The following PCDH15 variants were observed in gnomAD, a reference collection of about 807,000 sequenced individuals.
PCDH15 encodes the protein protocadherin-15.
In PCDH15, 129 loss-of-function variants were observed where a neutral mutation model predicts 178.5. The ratio of observed to expected loss-of-function variants is 0.72; its 90% CI spans 0.63 to 0.84. PCDH15 has a LOEUF of 0.84. PCDH15 is among the 40% of genes least tolerant of loss of function. The pLI is 0.00. For missense variants in PCDH15, 2,230 were observed against 2,099.9 expected, an observed-to-expected ratio of 1.06 and a Z score of -1.21; for synonymous variants, 800 against 732.0, an observed-to-expected ratio of 1.09 and a Z score of -1.50.
intron 20 of PCDH15, among the ~76,000 whole-genome samples, chr10:54,019,815 C>T (rs2092857354): frequency 6.6e-6 from 1 of 151,936 alleles, no homozygotes; most frequent in Admixed American, 6.6e-5. Context: ...ACTCTTGGCC[C>T]TTCAGAGTCA....
chr10:53,913,084 C>T (rs1031309463), intron 25 of PCDH15, among the ~76,000 whole-genome samples: 1 of 152,022 alleles, frequency 6.6e-6, no homozygotes, highest in African/African-American at 2.4e-5. Context: ...GTACTGGTAC[C>T]AAAACAGAGA....
intron 13 of PCDH15, among the ~76,000 whole-genome samples, chr10:54,167,805 C>T (rs12782614): frequency 0.084 from 1,821 of 21,676 alleles, 1 homozygote; most frequent in Middle Eastern, 0.18. Context: ...TATCTCTGTG[C>T]CCCAATCCCT....
chr10:55,494,724 T>C (rs1225939336), intron 2 of PCDH15, among the ~76,000 whole-genome samples: 3 of 151,808 alleles, frequency 2.0e-5, no homozygotes, highest in Non-Finnish European at 4.4e-5. Context: ...CTCTACTCCA[T>C]TCCTCTCTCT....
At position 55,425,099 on chromosome 10, in the gene PCDH15, A is replaced by C. The variant is rs1479982831; in HGVS notation, c.-156+202526T>G. 2.8e-5 allele frequency among the ~76,000 whole-genome samples: 4 copies of C among 145,106 alleles called. No homozygotes were observed. In the South Asian group the frequency reaches 8.7e-4, roughly 31 times the overall value. On this transcript the variant is annotated intron_variant, in intron 2 of 5. Coordinates refer to the PCDH15 transcript ENST00000613346. ...TCCATGTAGAAAAAATTAGAAATTA[A>C]GAAATTCTGAAATGACTTAAATTTT... is the stretch of plus-strand genomic sequence containing the variant.
chr10:55,475,261 C>A (rs1840040117), intron 2 of PCDH15, among the ~76,000 whole-genome samples: 1 of 152,116 alleles, frequency 6.6e-6, no homozygotes, highest in Admixed American at 6.6e-5. Flanking sequence ...CCATCTTCAA[C>A]ATAGGGGACC....
At chr10:55,400,131 A>G (rs891158371) in intron 2 of PCDH15, among the ~76,000 whole-genome samples, 3 of 152,116 alleles carry the variant, frequency 2.0e-5, no homozygotes, top group Non-Finnish European at 4.4e-5. Context: ...TTTCAGACAC[A>G]TAGTATGACC....
At chr10:55,236,121 A>T (rs188523893) in intron 1 of PCDH15, among the ~76,000 whole-genome samples, 1 of 152,016 alleles carries the variant, frequency 6.6e-6, no homozygotes, top group Non-Finnish European at 1.5e-5. Flanking sequence ...AAAGGTAGTT[A>T]TAATATTCAA....
upstream of PCDH15, among the ~76,000 whole-genome samples, chr10:55,322,699 G>A (rs1395796460): frequency 6.6e-6 from 1 of 151,712 alleles, no homozygotes; most frequent in Non-Finnish European, 1.5e-5. Flanking sequence ...TTGAACGTGT[G>A]AGAGATAATT....
chr10:54,253,151 T>C (rs1338009233), intron 8 of PCDH15, among the ~76,000 whole-genome samples: 3 of 152,104 alleles, frequency 2.0e-5, no homozygotes, highest in Non-Finnish European at 4.4e-5. Context: ...AATATCATTT[T>C]AAATTCACAA....
chr10:54,444,994 T>G (rs1028558087), intron 3 of PCDH15, among the ~76,000 whole-genome samples: 4 of 151,350 alleles, frequency 2.6e-5, no homozygotes, highest in African/African-American at 7.3e-5. Context: ...TTCTCCTAAG[T>G]TCAAGGAAAG....
At chr10:53,812,918 G>A (rs2075925775) in intron 35 of PCDH15, among the ~76,000 whole-genome samples, 1 of 152,150 alleles carries the variant, frequency 6.6e-6, no homozygotes, top group African/African-American at 2.4e-5. Flanking sequence ...TCCTCTGAGG[G>A]CACAAATATG....
chr10:54,340,713 T>TG (rs1363452889), intron 6 of PCDH15, among the ~76,000 whole-genome samples: 6 of 152,136 alleles, frequency 3.9e-5, no homozygotes, highest in African/African-American at 1.4e-4. Flanking sequence ...GTTCATCCCT[T>TG]CACTTGGGGG....
chr10:53,912,403 T>C (rs554100893), intron 25 of PCDH15, among the ~76,000 whole-genome samples: 7 of 152,300 alleles, frequency 4.6e-5, no homozygotes, highest in African/African-American at 1.7e-4. Flanking sequence ...ATGCCCTCTC[T>C]TAACACTCCT....
chr10:54,346,507 A>G (rs1943311621), intron 5 of PCDH15, 23 bp from the exon 6 acceptor site: 1 of 1,612,168 alleles, frequency 6.2e-7, no homozygotes, highest in Admixed American at 1.7e-5. Flanking sequence ...AAGATTTTAA[A>G]TATCAATTTT....
chr10:55,105,239 C>G (rs1842646626), intron 2 of PCDH15, among the ~76,000 whole-genome samples: 1 of 152,038 alleles, frequency 6.6e-6, no homozygotes, highest in African/African-American at 2.4e-5. Context: ...TCATGACATG[C>G]CAATTTTTTT....
chr10:54,405,295 A>G (rs987616052), intron 3 of PCDH15, among the ~76,000 whole-genome samples: 12 of 152,128 alleles, frequency 7.9e-5, no homozygotes, highest in African/African-American at 2.9e-4. Flanking sequence ...AATGTGGTAC[A>G]TAAACCAAAC....
chr10:54,467,758 C>T (rs200593040), intron 3 of PCDH15, among the ~76,000 whole-genome samples: 1 of 151,520 alleles, frequency 6.6e-6, no homozygotes, highest in Admixed American at 6.6e-5. Context: ...AGATCTTCTT[C>T]GTAAATTTGG....
rs182925594 is a variant in PCDH15, at chr10:53,804,747, A to C, written c.*1832T>G. ...ATCTAATTCCTATACAAAGTATCCT[A>C]TACTAAAAACCATTGCTTTGGTGCC... On this transcript the variant is annotated 3_prime_UTR_variant, in exon 38 of 38. Transcript: ENST00000644397. 6.6e-6 allele frequency: 1 copy of C among 152,120 alleles called. No homozygotes were observed. Among genetic ancestry groups the C allele is most frequent in the East Asian group, 1.9e-4 (1 of 5,176 alleles). 9.4% of individuals were successfully genotyped at this position (152,120 alleles called of 1,614,324 possible). A position where few individuals can be genotyped will look rare whatever the true frequency, so the allele number is the denominator to read the frequency against.
intron 2 of PCDH15, among the ~76,000 whole-genome samples, chr10:54,644,100 G>A (rs567779220): frequency 1.3e-5 from 2 of 148,554 alleles, no homozygotes; most frequent in African/African-American, 2.5e-5. Flanking sequence ...AAGTTTACTG[G>A]GAATGATGAT....
Sources: gnomAD v4.1 joint callset for allele counts (sites outside exome capture counted in the v4.1 genomes callset) on GRCh38, gnomAD v4.1.1 for gene constraint, MANE v1.5 for transcripts, NCBI Gene and HGNC (gene_info 2026-07-23, HGNC 2026-07-21) for gene names.